RFX6: variants seen among roughly 807,000 people sequenced by gnomAD.
RFX6 encodes the protein regulatory factor X6, also known as DNA-binding protein RFX6.
A neutral mutation model predicts 110.8 loss-of-function variants in RFX6; 50 were observed. The ratio of observed to expected loss-of-function variants is 0.45; its 90% CI spans 0.36 to 0.57. The LOEUF (loss-of-function observed/expected upper bound fraction) is 0.57, where lower values mean the gene tolerates loss of function less well. RFX6 is among the 20% of genes least tolerant of loss of function. The probability of loss-of-function intolerance (pLI) is 0.00; values close to 1 mark genes in which losing one functional copy is unlikely to be tolerated. For missense variants in RFX6, 990 were observed against 1,127.0 expected, an observed-to-expected ratio of 0.88 and a Z score of 1.74; for synonymous variants, 383 against 411.2, an observed-to-expected ratio of 0.93 and a Z score of 0.83.
At position 116,922,082 on chromosome 6, in the gene RFX6, T is replaced by C; in HGVS notation, c.1368T>C (p.Leu456=). 6.4e-7 allele frequency: 1 copy of C among 1,561,170 alleles called. No homozygotes were observed. The highest frequency in any genetic ancestry group is 8.8e-7 in the Non-Finnish European group (1 of 1,132,820). Reference sequence around the variant, plus strand: ...TGTTCCAAGAACTGAAGGATCTCCTTAAGAAGAATGCCACTGTGGAGGCTT... The same window carrying C: ...TGTTCCAAGAACTGAAGGATCTCCTCAAGAAGAATGCCACTGTGGAGGCTT... ...ITVFQELKDL[L]KKNATVEAFI... is the part of the protein sequence containing the mutation. The change falls in exon 13 of 19, where the codon CTT becomes CTC. Residue 456 remains leucine (L), a synonymous_variant. Coordinates refer to ENST00000332958, the MANE Select transcript of RFX6 (RefSeq NM_173560.4).
chr6:116,917,923 A>T (rs13213246), intron 9 of RFX6, 114 bp from the exon 10 acceptor site: 3 of 727,140 alleles, frequency 4.1e-6, no homozygotes, highest in Non-Finnish European at 7.4e-6. Context: ...TTGAGAAAGG[A>T]GTTAACATGT....
intron 4 of RFX6, 150 bp downstream of exon 4, chr6:116,882,578 A>G: frequency 1.6e-6 from 1 of 626,674 alleles, no homozygotes; most frequent in Non-Finnish European, 2.9e-6. Flanking sequence ...TGAAAAAAAA[A>G]AAAAGATTTT....
chr6:116,885,678 A>G (rs73765880), intron 4 of RFX6, among the ~76,000 whole-genome samples: 15,056 of 152,172 alleles, frequency 0.099, 930 homozygotes, highest in African/African-American at 0.17. Context: ...ACAAATAATT[A>G]TTCAATTGAA....
chr6:116,927,140 A>G lies in RFX6; in HGVS notation c.1999A>G (p.Ser667Gly), dbSNP rs1463619064. 1.2e-6 allele frequency: 2 copies of G among 1,614,058 alleles called. No individual in the cohort carries two copies. The highest frequency in any genetic ancestry group is 1.7e-6 in the Non-Finnish European group (2 of 1,179,922). ...AGGACCAATGGCAGGGAGGCCCCCA[A>G]GTGTGGGCCCAGTACTGTCAGCTCC... ...NQGPMAGRPPSVGPVLSAPSH... is the reference protein window; with the variant it reads ...NQGPMAGRPPGVGPVLSAPSH... Residue 667 changes from serine (S) to glycine (G), a missense_variant, in exon 17 of 19, where the codon AGT becomes GGT. This residue lies in a region of RFX6 where 438 missense variants were observed against 441.9 expected (regional missense o/e 0.99). Transcript: ENST00000332958.
rs572875599 is a variant in RFX6, at chr6:116,920,342, C to T, written c.1215C>T (p.Val405=). The change falls in exon 12 of 19, where the codon GTC becomes GTT. Residue 405 remains valine (V), a synonymous_variant. Transcript: ENST00000332958. ...GACCAGCTCTCTTTGACCAGCATGTCGTTAATTCTATGGTGTCTGATATTG... is the reference window on the plus strand; with the variant it reads ...GACCAGCTCTCTTTGACCAGCATGTTGTTAATTCTATGGTGTCTGATATTG... ...IARPALFDQH[V]VNSMVSDIER... is the part of the protein sequence containing the mutation. 5 of 1,611,546 alleles carry T rather than the reference C, an allele frequency of 3.1e-6. No homozygotes were observed. Among genetic ancestry groups the T allele is most frequent in the East Asian group, 4.5e-5 (2 of 44,878 alleles).
At chr6:116,893,962 G>C in intron 4 of RFX6, 25 bp from the exon 5 acceptor site, 1 of 1,400,522 alleles carries the variant, frequency 7.1e-7, no homozygotes, top group Non-Finnish European at 1.0e-6. Context: ...CACTAACACA[G>C]AGCTGGTTCC....
Position 116,925,744 on chromosome 6 carries a change from C to G in RFX6, c.1885+85C>G, listed in dbSNP as rs1562148230. ...TTTCTTAAAACTCATAACTTCCAGT[C>G]CAGGAATTCCAACAATAAAAAAGGA... On this transcript the variant is annotated intron_variant, in intron 16 of 18. Coordinates refer to ENST00000332958, the MANE Select transcript of RFX6 (RefSeq NM_173560.4). 4.8e-6 allele frequency: 4 copies of G among 837,804 alleles called. No homozygotes were observed. In the East Asian group the frequency reaches 1.1e-4, roughly 22 times the overall value. The allele number at this position is 837,804 out of a possible 1,614,324, so 51.9% of individuals were successfully genotyped here. A position where few individuals can be genotyped will look rare whatever the true frequency, so the allele number is the denominator to read the frequency against.
At chr6:116,889,930 T>C (rs1005488447) in intron 4 of RFX6, among the ~76,000 whole-genome samples, 2 of 152,122 alleles carry the variant, frequency 1.3e-5, no homozygotes, top group Admixed American at 1.3e-4. Flanking sequence ...GGAGCTTACA[T>C]TCTGCGAGTT....
intron 4 of RFX6, among the ~76,000 whole-genome samples, chr6:116,889,400 G>A (rs1274834611): frequency 6.6e-6 from 1 of 152,004 alleles, no homozygotes; most frequent in Non-Finnish European, 1.5e-5. Flanking sequence ...GAAATCTTAG[G>A]GTTTAGTATG....
intron 14 of RFX6, chr6:116,923,476 G>A: frequency 2.0e-6 from 1 of 496,072 alleles, no homozygotes. Context: ...TATTCTCTTC[G>A]AAGGGTTGTA....
chr6:116,904,965 T>C (rs1775163911), intron 6 of RFX6, among the ~76,000 whole-genome samples: 1 of 152,230 alleles, frequency 6.6e-6, no homozygotes, highest in East Asian at 1.9e-4. Context: ...CTACAGTGAC[T>C]AATGCTGCTA....
chr6:116,927,126 C>A lies in RFX6; in HGVS notation c.1985C>A (p.Ala662Glu), dbSNP rs758536947. The A allele has an allele frequency of 1.2e-6, 2 of 1,614,132 alleles. No individual in the cohort carries two copies. The highest frequency in any genetic ancestry group is 4.5e-5 in the East Asian group (2 of 44,878). Residue 662 changes from alanine to glutamate, a missense_variant, in exon 17 of 19, where the codon GCA becomes GAA. Coordinates refer to ENST00000332958, the MANE Select transcript of RFX6 (RefSeq NM_173560.4). The part of the protein sequence containing the change: ...RGSVINQGPM[A>E]GRPPSVGPVL... ...AGTGTCATTAACCAAGGACCAATGG[C>A]AGGGAGGCCCCCAAGTGTGGGCCCA... is the stretch of plus-strand genomic sequence containing the variant.
At position 116,931,697 on chromosome 6, in the gene RFX6, A is replaced by C. The variant is rs1775889929; in HGVS notation, c.*191A>C. ...CTTGCAGAGCTTGTCATGCACACTA[A>C]GAGTTTAAAATGTGAGCTCATTATT... is the stretch of plus-strand genomic sequence containing the variant. On this transcript the variant is annotated 3_prime_UTR_variant, in exon 19 of 19. Coordinates refer to ENST00000332958, the MANE Select transcript of RFX6 (RefSeq NM_173560.4). 1.8e-6 allele frequency: 1 copy of C among 544,560 alleles called. No individual in the cohort carries two copies. Among genetic ancestry groups the C allele is most frequent in the Admixed American group, 3.3e-5 (1 of 29,892 alleles). The allele number at this position is 544,560 out of a possible 1,614,324, so 33.7% of individuals were successfully genotyped here.
intron 4 of RFX6, among the ~76,000 whole-genome samples, chr6:116,889,014 A>T (rs1340608165): frequency 6.6e-6 from 1 of 152,140 alleles, no homozygotes; most frequent in Non-Finnish European, 1.5e-5. Flanking sequence ...AGGAAGATTA[A>T]AGGGGAAAGG....
intron 6 of RFX6, among the ~76,000 whole-genome samples, chr6:116,895,604 C>T (rs986714814): frequency 2.0e-4 from 30 of 151,874 alleles, no homozygotes; most frequent in African/African-American, 7.0e-4. Flanking sequence ...TCAAGGAGCC[C>T]AAATGCTATG....
intron 12 of RFX6, 69 bp downstream of exon 12, chr6:116,920,523 ACT>A (rs1435509651): frequency 1.5e-6 from 2 of 1,352,684 alleles, no homozygotes; most frequent in African/African-American, 2.9e-5. Flanking sequence ...GAGCTGGGTA[ACT>A]CTGTTGGAGG....
In RFX6 at chr6:116,928,913, G is replaced by T. The variant is rs145117989; in HGVS notation, c.2553G>T (p.Gln851His). The T allele has an allele frequency of 1.3e-4, 216 of 1,613,868 alleles. No homozygotes were observed. In the African/African-American group the frequency reaches 2.1e-3, roughly 16 times the overall value. ...TTTTAGATGACAGTGGTAGAAAACA[G>T]ACCAGCTCGTTTTACACAGACACAT... ...LNILDDSGRK[Q>H]TSSFYTDTSS... Residue 851 changes from glutamine to histidine, a missense_variant, in exon 18 of 19, where the codon CAG becomes CAT. By Grantham distance (24) the Gln-to-His change is conservative. Around this residue, in one of 5 missense-constraint regions of RFX6, gnomAD observed 438 missense variants for 441.9 expected, o/e 0.99. Coordinates refer to ENST00000332958, the MANE Select transcript of RFX6 (RefSeq NM_173560.4).
chr6:116,900,077 T>C (rs1775032954), intron 6 of RFX6, among the ~76,000 whole-genome samples: 1 of 152,266 alleles, frequency 6.6e-6, no homozygotes, highest in South Asian at 2.1e-4. Context: ...TTTTACAATA[T>C]GAAACTATGA....
chr6:116,880,465 A>G (rs1001085333), intron 2 of RFX6, 79 bp from the exon 3 acceptor site: 1 of 1,363,918 alleles, frequency 7.3e-7, no homozygotes, highest in Non-Finnish European at 1.0e-6. Context: ...TCCATATTCA[A>G]AATGGGTAAT....
Sources: allele counts gnomAD v4.1 joint callset (sites outside exome capture counted in the v4.1 genomes callset), GRCh38; gene constraint gnomAD v4.1.1; regional missense constraint gnomAD v4.1.1; transcripts MANE v1.5; gene names NCBI Gene and HGNC (gene_info 2026-07-23, HGNC 2026-07-21).